The following MAGI3 variants were observed in gnomAD, a reference collection of about 807,000 sequenced individuals.
MAGI3 encodes the protein membrane associated guanylate kinase, WW and PDZ domain containing 3, also known as membrane-associated guanylate kinase, WW and PDZ domain-containing protein 3.
In MAGI3, 43 loss-of-function variants were observed where a neutral mutation model predicts 121.8. The observed-to-expected ratio is 0.35, with a 90% CI of 0.28 to 0.46. The LOEUF is 0.46. MAGI3 is among the 20% of genes least tolerant of loss of function. The pLI, the probability that MAGI3 is intolerant of heterozygous loss-of-function variation, is 1.00. For missense variants in MAGI3, 1,547 were observed against 1,797.3 expected (o/e 0.86, Z 2.52); for synonymous variants, 553 against 639.3 (o/e 0.86, Z 2.04).
In MAGI3 at chr1:113,685,664, G is replaced by GTGA. The variant is rs1255259927; in HGVS notation, c.*1652_*1654dup. On this transcript the variant is annotated 3_prime_UTR_variant, in exon 21 of 21. Transcript: ENST00000307546. ...TTATTTTCCCTGTAGTCCACAATTA[G>GTGA]TGATAACGAATCCTATTTTTGTTAA... The GTGA allele has an allele frequency of 3.3e-5, 5 of 152,288 alleles. No individual in the cohort carries two copies. Among genetic ancestry groups the GTGA allele is most frequent in the African/African-American group, 9.7e-5 (4 of 41,418 alleles). The allele number at this position is 152,288 out of a possible 1,614,324, so 9.4% of individuals were successfully genotyped here.
chr1:113,535,157 C>T (rs903836798), intron 1 of MAGI3, among the ~76,000 whole-genome samples: 5 of 152,118 alleles, frequency 3.3e-5, no homozygotes, highest in South Asian at 2.1e-4. Context: ...AAGCTGTACT[C>T]GGCCAGGGTG....
At chr1:113,543,775 G>A (rs898778063) in intron 1 of MAGI3, among the ~76,000 whole-genome samples, 8 of 152,114 alleles carry the variant, frequency 5.3e-5, no homozygotes, top group Non-Finnish European at 1.0e-4. Flanking sequence ...GGCTGAGGTG[G>A]GAGGATTGCT....
At chr1:113,416,238 AAT>A (rs1393157987) in intron 1 of MAGI3, among the ~76,000 whole-genome samples, 1 of 117,470 alleles carries the variant, frequency 8.5e-6, no homozygotes, top group African/African-American at 3.4e-5. Flanking sequence ...GACACATATT[AAT>A]TATGTAATTA....
intron 1 of MAGI3, among the ~76,000 whole-genome samples, chr1:113,527,092 A>G (rs757350408): frequency 1.3e-5 from 2 of 152,220 alleles, no homozygotes; most frequent in African/African-American, 2.4e-5. Context: ...TAAGTATCAT[A>G]TAAGTGTTCT....
intron 19 of MAGI3, among the ~76,000 whole-genome samples, chr1:113,676,052 C>T (rs1206939594): frequency 6.6e-6 from 1 of 151,224 alleles, no homozygotes; most frequent in East Asian, 1.9e-4. Flanking sequence ...CTCTCTCTCT[C>T]ATCTCTCTCT....
chr1:113,594,696 T>A, intron 6 of MAGI3, 136 bp downstream of exon 6: 1 of 533,482 alleles, frequency 1.9e-6, no homozygotes, highest in Non-Finnish European at 3.3e-6. Flanking sequence ...GTGGATATCA[T>A]AATCAACTGA....
intron 1 of MAGI3, among the ~76,000 whole-genome samples, chr1:113,521,054 T>C (rs1179756634): frequency 2.6e-5 from 4 of 151,932 alleles, no homozygotes; most frequent in Non-Finnish European, 5.9e-5. Context: ...TTTTAGTAAC[T>C]GCCTTTAAGA....
At chr1:113,641,303 A>G (rs1044468174) in intron 9 of MAGI3, among the ~76,000 whole-genome samples, 4 of 150,276 alleles carry the variant, frequency 2.7e-5, no homozygotes, top group Admixed American at 6.7e-5. Flanking sequence ...GACTTAGATC[A>G]TATATCAAGA....
intron 1 of MAGI3, among the ~76,000 whole-genome samples, chr1:113,516,741 A>G (rs1000221758): frequency 6.6e-6 from 1 of 152,054 alleles, no homozygotes; most frequent in South Asian, 2.1e-4. Flanking sequence ...CAAAGAGCAC[A>G]ATCAGTATAG....
intron 1 of MAGI3, among the ~76,000 whole-genome samples, chr1:113,416,328 A>ACGTAATTAAT (rs56866757): frequency 1.6e-4 from 20 of 125,316 alleles, no homozygotes; most frequent in South Asian, 1.4e-3. Flanking sequence ...GTAATTAATT[A>ACGTAATTAAT]TATATCAATC....
chr1:113,594,350 G>A lies in MAGI3; in HGVS notation c.939-131G>A, dbSNP rs1648866780. 4 of 678,208 alleles carry A rather than the reference G, an allele frequency of 5.9e-6. No homozygotes were observed. The South Asian group carries it at 8.8e-5, about 15-fold the overall frequency. The allele number at this position is 678,208 out of a possible 1,614,324, so 42.0% of individuals were successfully genotyped here. A position where few individuals can be genotyped will look rare whatever the true frequency, so the allele number is the denominator to read the frequency against. On this transcript the variant is annotated intron_variant, in intron 5 of 20. Transcript: ENST00000307546. ...CAATAGGGTTAATGAATGAATCTGA[G>A]GAATACAAATGGAGCCTGTTGGAGA... is the stretch of plus-strand genomic sequence containing the variant.
intron 1 of MAGI3, among the ~76,000 whole-genome samples, chr1:113,490,685 A>G (rs527642232): frequency 1.3e-5 from 2 of 152,350 alleles, no homozygotes; most frequent in South Asian, 2.1e-4. Context: ...AGAAAAATCT[A>G]TCAAGCAAAT....
chr1:113,551,782 A>G (rs1172649122), intron 2 of MAGI3, among the ~76,000 whole-genome samples: 1 of 151,768 alleles, frequency 6.6e-6, no homozygotes, highest in Non-Finnish European at 1.5e-5. Context: ...AAAGCTTTTC[A>G]CTGTGTAGTC....
At chr1:113,491,269 A>G (rs1440714033) in intron 1 of MAGI3, among the ~76,000 whole-genome samples, 1 of 152,248 alleles carries the variant, frequency 6.6e-6, no homozygotes, top group Non-Finnish European at 1.5e-5. Context: ...CTGCTCCTGA[A>G]TAAACTCTTG....
At chr1:113,614,556 G>A (rs1290960020) in intron 6 of MAGI3, 45 bp from the exon 7 acceptor site, 8 of 1,398,814 alleles carry the variant, frequency 5.7e-6, no homozygotes, top group East Asian at 2.3e-5. Flanking sequence ...ATTCTTTTCT[G>A]TCAGTTTTGA....
intron 1 of MAGI3, among the ~76,000 whole-genome samples, chr1:113,432,395 A>T (rs925907080): frequency 4.6e-5 from 7 of 152,204 alleles, no homozygotes; most frequent in Admixed American, 1.3e-4. Context: ...CATTTTAACC[A>T]GGTAGTTTGG....
chr1:113,611,438 C>T (rs1650132298), intron 6 of MAGI3, among the ~76,000 whole-genome samples: 1 of 152,114 alleles, frequency 6.6e-6, no homozygotes, highest in South Asian at 2.1e-4. Flanking sequence ...TTTTATGCCA[C>T]AAAAGCTAGA....
At chr1:113,576,240 T>C (rs1218671103) in intron 2 of MAGI3, among the ~76,000 whole-genome samples, 1 of 152,148 alleles carries the variant, frequency 6.6e-6, no homozygotes, top group Non-Finnish European at 1.5e-5. Context: ...CTCCTGCAGC[T>C]AGCTCAATGT....
intron 9 of MAGI3, among the ~76,000 whole-genome samples, chr1:113,639,797 A>G (rs1652335032): frequency 6.6e-6 from 1 of 151,856 alleles, no homozygotes; most frequent in Non-Finnish European, 1.5e-5. Flanking sequence ...TGAACTCCTG[A>G]CCTCAGGTGA....
Sources: allele counts gnomAD v4.1 joint callset (sites outside exome capture counted in the v4.1 genomes callset), GRCh38; gene constraint gnomAD v4.1.1; transcripts MANE v1.5; gene names NCBI Gene and HGNC (gene_info 2026-07-23, HGNC 2026-07-21).